Variants in KDR observed in about 807,000 individuals in gnomAD.
The protein encoded by KDR is vascular endothelial growth factor receptor 2.
In KDR, 43 loss-of-function variants were observed where a neutral mutation model predicts 160.9. That is an observed-to-expected ratio of 0.27 (90% confidence interval 0.21 to 0.34). The LOEUF is 0.34. KDR is among the 10% of genes least tolerant of loss of function. KDR has a pLI of 1.00. For missense variants in KDR, 1,469 were observed against 1,666.4 expected, an observed-to-expected ratio of 0.88 and a Z score of 2.06; for synonymous variants, 617 against 600.1, an observed-to-expected ratio of 1.03 and a Z score of -0.41.
intron 13 of KDR, 121 bp downstream of exon 13, chr4:55,104,522 G>A (rs564264577): frequency 6.2e-5 from 48 of 777,612 alleles, no homozygotes; most frequent in Admixed American, 3.0e-4. Context: ...CGGTGAAGAA[G>A]TGTGCACCAG....
chr4:55,119,705 C>A lies in KDR; in HGVS notation c.162-905G>T, dbSNP rs145566173. ...ACCAGAGCAGCCAGGTAAGAGTGAG[C>A]AAAGGGGAGTAAGAAGTGAGGTTAG... On this transcript the variant is annotated intron_variant, in intron 2 of 29. Transcript: ENST00000263923. 4.0e-4 allele frequency among the ~76,000 whole-genome samples: 61 copies of A among 152,016 alleles called. No individual in the cohort carries two copies. In the East Asian group the frequency reaches 0.012, roughly 29 times the overall value.
rs77720791 is a variant in KDR, at chr4:55,086,000, A to C, written c.3662+1607T>G. ...GAAAACACATGGAATGTAGTTCATG[A>C]TCAAATGGCTTTCTGATAAAGGGGG... On this transcript the variant is annotated intron_variant, in intron 27 of 29. Transcript: ENST00000263923. Among the ~76,000 whole-genome samples the C allele has an allele frequency of 1.9e-3, 297 of 152,336 alleles. 1 individual carries two copies. Among genetic ancestry groups the C allele is most frequent in the African/African-American group, 6.8e-3 (283 of 41,580 alleles).
intron 27 of KDR, among the ~76,000 whole-genome samples, chr4:55,086,877 C>T (rs1258161763): frequency 6.6e-6 from 1 of 152,192 alleles, no homozygotes; most frequent in Non-Finnish European, 1.5e-5. Context: ...GGAAAACACC[C>T]AAACGGGTTA....
intron 1 of KDR, among the ~76,000 whole-genome samples, chr4:55,124,992 C>G (rs1447396588): frequency 6.6e-6 from 1 of 152,196 alleles, no homozygotes; most frequent in African/African-American, 2.4e-5. Flanking sequence ...AGGTCCCTGT[C>G]GCAAACCAGA....
intron 27 of KDR, among the ~76,000 whole-genome samples, chr4:55,084,702 T>C (rs1719816158): frequency 6.6e-6 from 1 of 152,192 alleles, no homozygotes; most frequent in Admixed American, 6.5e-5. Flanking sequence ...GTTTTTGTTT[T>C]GTTTTACTCT....
At chr4:55,119,442 A>T (rs543979045) in intron 2 of KDR, among the ~76,000 whole-genome samples, 1 of 152,244 alleles carries the variant, frequency 6.6e-6, no homozygotes. Flanking sequence ...CCTCAGTCTA[A>T]CTGGAGAAAA....
At chr4:55,089,575 T>C (rs1405302589) in intron 24 of KDR, 102 bp from the exon 25 acceptor site, 4 of 1,365,786 alleles carry the variant, frequency 2.9e-6, no homozygotes, top group Non-Finnish European at 4.2e-6. Flanking sequence ...TATCTATTTT[T>C]TTTTTCAAAG....
chr4:55,083,504 G>T (rs1719786118), intron 27 of KDR, among the ~76,000 whole-genome samples: 1 of 151,976 alleles, frequency 6.6e-6, no homozygotes, highest in Non-Finnish European at 1.5e-5. Context: ...TCCTTCAGGA[G>T]TCCAAAGAAT....
intron 27 of KDR, among the ~76,000 whole-genome samples, chr4:55,086,329 C>T (rs773646386): frequency 2.4e-4 from 36 of 152,276 alleles, no homozygotes; most frequent in Non-Finnish European, 4.6e-4. Context: ...AACAGCACCA[C>T]TGACCTTGTC....
chr4:55,113,538 C>T lies in KDR; in HGVS notation c.799-57G>A. 2.8e-6 allele frequency: 4 copies of T among 1,439,940 alleles called. No individual in the cohort carries two copies. The Admixed American group carries it at 6.7e-5, about 24-fold the overall frequency. 89.2% of individuals were successfully genotyped at this position (1,439,940 alleles called of 1,614,324 possible). A position where few individuals can be genotyped will look rare whatever the true frequency, so the allele number is the denominator to read the frequency against. On this transcript the variant is annotated intron_variant, in intron 6 of 29. Coordinates refer to ENST00000263923, the MANE Select transcript of KDR (RefSeq NM_002253.4). ...CACAGCATATAACATTACCCAATAA[C>T]TTCTAGTAACACACAGAATTAAATC...
intron 21 of KDR, among the ~76,000 whole-genome samples, chr4:55,093,053 G>A (rs1720058838): frequency 6.6e-6 from 1 of 152,136 alleles, no homozygotes; most frequent in Non-Finnish European, 1.5e-5. Context: ...TGTACCCAGA[G>A]GGATAAACAA....
At chr4:55,101,473 G>A (rs914673110) in intron 15 of KDR, among the ~76,000 whole-genome samples, 12 of 152,304 alleles carry the variant, frequency 7.9e-5, no homozygotes, top group African/African-American at 2.6e-4. Context: ...ACCACAGGAT[G>A]TATCTATGAC....
intron 9 of KDR, among the ~76,000 whole-genome samples, chr4:55,109,560 TG>T (rs796510766): frequency 2.4e-4 from 37 of 152,274 alleles, no homozygotes; most frequent in African/African-American, 8.7e-4. Flanking sequence ...TCAAACTGTT[TG>T]GAGTGAGAGA....
Position 55,110,461 on chromosome 4 carries a change from G to T in KDR, c.1197C>A (p.Ile399=), listed in dbSNP as rs775765601. ...SERDTGNYTV[I]LTNPISKEKQ... The stretch of plus-strand genomic sequence containing the variant: ...TCTCCTTTGAAATGGGATTGGTAAG[G>T]ATGACAGTGTAATTTCCTGTGTCTC... Residue 399 remains isoleucine, a synonymous_variant, in exon 9 of 30, where the codon ATC becomes ATA. Transcript: ENST00000263923. 6.2e-7 allele frequency: 1 copy of T among 1,614,028 alleles called. No individual in the cohort carries two copies. Among genetic ancestry groups the T allele is most frequent in the South Asian group, 1.1e-5 (1 of 91,082 alleles).
chr4:55,104,609 G>T, intron 13 of KDR, 34 bp downstream of exon 13: 2 of 1,549,228 alleles, frequency 1.3e-6, no homozygotes, highest in East Asian at 2.3e-5. Flanking sequence ...CATTCCAACT[G>T]CCTCTGCACA....
rs1392787167 is a variant in KDR at position 55,079,875 on chromosome 4, A to C, written c.*66T>G. 6 of 1,389,500 alleles carry C rather than the reference A, an allele frequency of 4.3e-6. No individual in the cohort carries two copies. Among genetic ancestry groups the C allele is most frequent in the African/African-American group, 1.4e-5 (1 of 70,388 alleles). The allele number at this position is 1,389,500 out of a possible 1,614,324, so 86.1% of individuals were successfully genotyped here. A position where few individuals can be genotyped will look rare whatever the true frequency, so the allele number is the denominator to read the frequency against. On this transcript the variant is annotated 3_prime_UTR_variant, in exon 30 of 30. Coordinates refer to ENST00000263923, the MANE Select transcript of KDR (RefSeq NM_002253.4). The stretch of plus-strand genomic sequence containing the variant: ...CTACTTCCTGCTGGTGGAAAGAACA[A>C]CACTTGAAAATCTGAGCAGCACCTC...
chr4:55,119,539 AGTAAAGAATTTTGCAGGAG>A (rs1720814345), intron 2 of KDR, among the ~76,000 whole-genome samples: 1 of 152,196 alleles, frequency 6.6e-6, no homozygotes, highest in South Asian at 2.1e-4. Flanking sequence ...CAAAGAAAAG[AGTAAAGAATTTTGCAGGAG>A]GTGGTCTTGA....
intron 29 of KDR, 36 bp from the exon 30 acceptor site, chr4:55,080,199 G>A (rs2110003914): frequency 6.3e-7 from 1 of 1,590,866 alleles, no homozygotes; most frequent in East Asian, 2.2e-5. Context: ...AGTTGGCAGA[G>A]AGAAGACAAT....
At chr4:55,118,004 G>A (rs1047772735) in intron 3 of KDR, among the ~76,000 whole-genome samples, 5 of 152,112 alleles carry the variant, frequency 3.3e-5, no homozygotes, top group Admixed American at 3.3e-4. Flanking sequence ...GCACATCCTA[G>A]AAAGATACAG....
Sources: gnomAD v4.1 joint callset for allele counts (sites outside exome capture counted in the v4.1 genomes callset) on GRCh38, gnomAD v4.1.1 for gene constraint, MANE v1.5 for transcripts, NCBI Gene and HGNC (gene_info 2026-07-23, HGNC 2026-07-21) for gene names.